RIMBP2: variants seen among roughly 807,000 people sequenced by gnomAD.
RIMBP2 encodes the protein RIMS binding protein 2.
In RIMBP2, 48 loss-of-function variants were observed where a neutral mutation model predicts 118.6. The observed-to-expected ratio is 0.40, with a 90% CI of 0.32 to 0.51. RIMBP2 has a LOEUF of 0.51. Among genes scored for constraint, RIMBP2 ranks in the 20% least tolerant of loss-of-function variants. The pLI, the probability that RIMBP2 is intolerant of heterozygous loss-of-function variation, is 0.41. For missense variants in RIMBP2, 1,551 were observed against 1,768.3 expected, an observed-to-expected ratio of 0.88 and a Z score of 2.20; for synonymous variants, 762 against 742.9, an observed-to-expected ratio of 1.03 and a Z score of -0.42.
intron 5 of RIMBP2, among the ~76,000 whole-genome samples, chr12:130,471,386 C>T (rs1281826482): frequency 6.6e-6 from 1 of 152,164 alleles, no homozygotes; most frequent in Admixed American, 6.5e-5. Context: ...GCATCAAACA[C>T]CGTTATTTCT....
In RIMBP2 at chr12:130,447,593, C is replaced by T. The variant is rs551394845; in HGVS notation, c.582-2324G>A. Among the ~76,000 whole-genome samples the T allele has an allele frequency of 2.0e-5, 3 of 152,242 alleles. No individual in the cohort carries two copies. The highest frequency in any genetic ancestry group is 2.9e-5 in the Non-Finnish European group (2 of 68,022). Reference sequence around the variant, plus strand: ...TGGGTTCTTGAGGGGCGATGGGAGACCCCCACATGTGGCCGTGGCATCTGT... The same window carrying T: ...TGGGTTCTTGAGGGGCGATGGGAGATCCCCACATGTGGCCGTGGCATCTGT... On this transcript the variant is annotated intron_variant, in intron 9 of 22. Transcript: ENST00000690449. The surrounding 1 kb of genome is among the most constrained non-coding windows in gnomAD (Gnocchi z 4.4).
chr12:130,539,306 T>G (rs544677298), intron 2 of RIMBP2, among the ~76,000 whole-genome samples: 76 of 152,338 alleles, frequency 5.0e-4, no homozygotes, highest in African/African-American at 1.8e-3. Flanking sequence ...ATATAACATG[T>G]AAAGAACAGT....
chr12:130,470,889 TTAAC>T (rs1441624163), intron 5 of RIMBP2, 146 bp from the exon 6 acceptor site: 2 of 449,896 alleles, frequency 4.4e-6, no homozygotes, highest in Non-Finnish European at 7.3e-6. Context: ...CATTCATTAT[TTAAC>T]TTTTATTTGA....
intron 1 of RIMBP2, among the ~76,000 whole-genome samples, chr12:130,630,100 G>A (rs2061903321): frequency 6.6e-6 from 1 of 151,786 alleles, no homozygotes; most frequent in South Asian, 2.1e-4. Flanking sequence ...AAAGATAGTT[G>A]CTGAAATAAA....
At chr12:130,587,930 C>A (rs2140284953) in intron 2 of RIMBP2, among the ~76,000 whole-genome samples, 1 of 152,128 alleles carries the variant, frequency 6.6e-6, no homozygotes, top group South Asian at 2.1e-4. Context: ...CACTGTTCTG[C>A]ACCTGCCAGC....
intron 1 of RIMBP2, among the ~76,000 whole-genome samples, chr12:130,647,290 G>T (rs980217523): frequency 2.6e-5 from 4 of 152,168 alleles, no homozygotes; most frequent in Admixed American, 6.5e-5. Context: ...TTGAACCCGG[G>T]GGGTGGAGGT....
chr12:130,618,024 T>TTTACAAAAAAAAAA (rs71088771), intron 2 of RIMBP2, among the ~76,000 whole-genome samples: 1 of 65,824 alleles, frequency 1.5e-5, no homozygotes, highest in African/African-American at 5.5e-5. Context: ...AGACCTCTTC[T>TTTACAAAAAAAAAA]AAAAAAAAAA....
At chr12:130,641,162 C>T (rs184802097) in intron 1 of RIMBP2, among the ~76,000 whole-genome samples, 10 of 152,248 alleles carry the variant, frequency 6.6e-5, no homozygotes, top group East Asian at 5.8e-4. Flanking sequence ...GTCATAATTA[C>T]GAGATCACAG....
At chr12:130,484,100 G>C (rs2082283556) in intron 4 of RIMBP2, among the ~76,000 whole-genome samples, 1 of 152,204 alleles carries the variant, frequency 6.6e-6, no homozygotes, top group South Asian at 2.1e-4. Flanking sequence ...GCCGGCGACT[G>C]TCACTTAGGT....
chr12:130,583,505 T>C (rs560761667), intron 2 of RIMBP2, among the ~76,000 whole-genome samples: 1 of 119,076 alleles, frequency 8.4e-6, no homozygotes, highest in African/African-American at 2.7e-5. Context: ...ATCATCACCA[T>C]TACCACCATT....
chr12:130,466,043 C>T (rs1258643118), intron 6 of RIMBP2: 1 of 152,196 alleles, frequency 6.6e-6, no homozygotes, highest in Non-Finnish European at 1.5e-5. Context: ...CATTAACCTC[C>T]CTGTGTCTTG....
rs1395805406 is a variant in RIMBP2, at chr12:130,420,658, CA to C, written c.3238+1794del. Reference sequence around the variant, plus strand: ...AAGCAATACTGATCTAGGAAAATAGCAAACCAAAGCGGAGACAAAAAATAAT... The same window carrying C: ...AAGCAATACTGATCTAGGAAAATAGCAACCAAAGCGGAGACAAAAAATAAT... On this transcript the variant is annotated intron_variant, in intron 17 of 22. Transcript: ENST00000690449. This position sits in a 1 kb window ranked among gnomAD's most constrained non-coding sequence, Gnocchi z 4.3. Among the ~76,000 whole-genome samples the C allele has an allele frequency of 1.3e-5, 2 of 152,096 alleles. No homozygotes were observed. The highest frequency in any genetic ancestry group is 2.9e-5 in the Non-Finnish European group (2 of 68,038).
chr12:130,551,319 T>G (rs2139723424), intron 2 of RIMBP2, among the ~76,000 whole-genome samples: 1 of 152,260 alleles, frequency 6.6e-6, no homozygotes, highest in South Asian at 2.1e-4. Context: ...GGAAAACAAT[T>G]CATATAATTG....
chr12:130,703,548 G>T lies in RIMBP2; in HGVS notation c.-352+12674C>A, dbSNP rs929759279. Among the ~76,000 whole-genome samples the T allele has an allele frequency of 6.6e-5, 10 of 152,198 alleles. No homozygotes were observed. Among genetic ancestry groups the T allele is most frequent in the Non-Finnish European group, 1.5e-4 (10 of 68,034 alleles). On this transcript the variant is annotated intron_variant, in intron 1 of 22. Transcript: ENST00000690449. This position sits in a 1 kb window ranked among gnomAD's most constrained non-coding sequence, Gnocchi z 5.7. ...GTGCTCAGCTCAGGGCTGAGCCGCAGTCTGAGGGCCGGGCCCTGGCATGGG... is the reference window on the plus strand; with the variant it reads ...GTGCTCAGCTCAGGGCTGAGCCGCATTCTGAGGGCCGGGCCCTGGCATGGG...
chr12:130,453,875 G>A (rs141518058), intron 7 of RIMBP2, among the ~76,000 whole-genome samples: 2,024 of 152,212 alleles, frequency 0.013, 43 homozygotes, highest in African/African-American at 0.046. Context: ...ACAACATGGT[G>A]AAACCCCATC....
At chr12:130,454,467 G>A (rs1025203984) in intron 7 of RIMBP2, among the ~76,000 whole-genome samples, 27 of 152,224 alleles carry the variant, frequency 1.8e-4, no homozygotes, top group African/African-American at 6.3e-4. Context: ...GGTGTCCACC[G>A]CCGTCATAAG....
chr12:130,537,039 G>T (rs915104940), intron 2 of RIMBP2, among the ~76,000 whole-genome samples: 3 of 152,152 alleles, frequency 2.0e-5, no homozygotes, highest in Admixed American at 1.3e-4. Context: ...AATAAACAAG[G>T]AGGGACTGAG....
chr12:130,591,303 G>C (rs970317686), intron 2 of RIMBP2, among the ~76,000 whole-genome samples: 1 of 152,212 alleles, frequency 6.6e-6, no homozygotes, highest in Admixed American at 6.5e-5. Flanking sequence ...TTGCAGGCTA[G>C]ACTGTCCCTG....
chr12:130,424,186 CAGCT>C lies in RIMBP2; in HGVS notation c.3081_3084del (p.Ala1028ProfsTer15). 8.1e-7 allele frequency: 1 copy of C among 1,232,122 alleles called. No individual in the cohort carries two copies. Among genetic ancestry groups the C allele is most frequent in the Non-Finnish European group, 1.0e-6 (1 of 988,006 alleles). 76.3% of individuals were successfully genotyped at this position (1,232,122 alleles called of 1,614,324 possible). ...CTGGGAGGTGGCTTTGCGTGGGGGG[CAGCT>C]GCCCTACTGTCGGGCATGGTTATGC... On this transcript the variant is annotated frameshift_variant, in exon 16 of 23. Coordinates refer to ENST00000690449, the MANE Select transcript of RIMBP2 (RefSeq NM_001393629.1). LOFTEE classifies it high-confidence loss of function. This position sits in a 1 kb window ranked among gnomAD's most constrained non-coding sequence, Gnocchi z 9.8.
Sources: allele counts gnomAD v4.1 joint callset (sites outside exome capture counted in the v4.1 genomes callset), GRCh38; gene constraint gnomAD v4.1.1; non-coding constraint Gnocchi (gnomAD v3.1); transcripts MANE v1.5; gene names NCBI Gene and HGNC (gene_info 2026-07-23, HGNC 2026-07-21).